PRXL2C: variants seen among roughly 807,000 people sequenced by gnomAD.
PRXL2C encodes peroxiredoxin like 2C.
Under a neutral mutation model 24.9 loss-of-function variants are expected in PRXL2C, and 38 were observed. The observed-to-expected ratio is 1.53, with a 90% confidence interval of 1.18 to 2.00. The LOEUF is 2.00. Ranked by LOEUF, PRXL2C falls within the 30% of genes most tolerant of loss-of-function variation. PRXL2C has a pLI of 0.00. For synonymous variants in PRXL2C, 98 were observed against 117.2 expected, an observed-to-expected ratio of 0.84 and a Z score of 1.06; for missense variants, 294 against 290.9, an observed-to-expected ratio of 1.01 and a Z score of -0.08.
In PRXL2C at chr9:96,645,884, G is replaced by C; in HGVS notation, c.553+9C>G. The C allele has an allele frequency of 6.3e-7, 1 of 1,598,912 alleles. No homozygotes were observed. Among genetic ancestry groups the C allele is most frequent in the Non-Finnish European group, 8.5e-7 (1 of 1,175,606 alleles). On this transcript the variant is annotated intron_variant, in intron 5 of 5. Coordinates refer to ENST00000375234, the MANE Select transcript of PRXL2C (RefSeq NM_153698.2). Reference sequence around the variant, plus strand: ...ACGTCTACTGCTGAACCTGGGCTTTGATGCTTACCTGGACCTAAAATGAGG... The same window carrying C: ...ACGTCTACTGCTGAACCTGGGCTTTCATGCTTACCTGGACCTAAAATGAGG...
At chr9:96,654,862 A>G in intron 1 of PRXL2C, 89 bp from the exon 2 acceptor site, 2 of 1,370,654 alleles carry the variant, frequency 1.5e-6, no homozygotes, top group Non-Finnish European at 2.0e-6. Flanking sequence ...GCGTGACGCG[A>G]GCAAAGGCGA....
intron 5 of PRXL2C, among the ~76,000 whole-genome samples, chr9:96,643,952 G>A (rs1425280108): frequency 2.6e-5 from 4 of 151,760 alleles, no homozygotes; most frequent in Non-Finnish European, 4.4e-5. Flanking sequence ...GGCCAACCTG[G>A]TGAAACCTTG....
chr9:96,641,272 T>G lies in PRXL2C; in HGVS notation c.*487A>C, dbSNP rs1129517. Reference sequence around the variant, plus strand: ...GAGATACCTACTGGCAACATTTTGGTGTTTATTTCCTGTCTTTTTCCAAAG... The same window carrying G: ...GAGATACCTACTGGCAACATTTTGGGGTTTATTTCCTGTCTTTTTCCAAAG... On this transcript the variant is annotated 3_prime_UTR_variant, in exon 6 of 6. Coordinates refer to ENST00000375234, the MANE Select transcript of PRXL2C (RefSeq NM_153698.2). The G allele has an allele frequency of 6.6e-6, 1 of 152,204 alleles. No individual in the cohort carries two copies. Among genetic ancestry groups the G allele is most frequent in the Admixed American group, 6.6e-5 (1 of 15,264 alleles). The allele number at this position is 152,204 out of a possible 1,614,324, so 9.4% of individuals were successfully genotyped here. A position where few individuals can be genotyped will look rare whatever the true frequency, so the allele number is the denominator to read the frequency against.
In PRXL2C at chr9:96,645,904, A is replaced by G. The variant is rs1732634298; in HGVS notation, c.542T>C (p.Ile181Thr). 5 of 1,611,176 alleles carry G rather than the reference A, an allele frequency of 3.1e-6. No individual in the cohort carries two copies. Among genetic ancestry groups the G allele is most frequent in the Non-Finnish European group, 4.2e-6 (5 of 1,179,250 alleles). Residue 181 changes from isoleucine (I) to threonine (T), a missense_variant, in exon 5 of 6, where the codon ATT (isoleucine) becomes ACT (threonine). Physicochemically the swap from Ile to Thr is moderately conservative, Grantham distance 89. Coordinates refer to ENST00000375234, the MANE Select transcript of PRXL2C (RefSeq NM_153698.2). ...GCTTTGATGCTTACCTGGACCTAAAATGAGGGTTCCACCTTGCTGAGCTGG... is the reference window on the plus strand; with the variant it reads ...GCTTTGATGCTTACCTGGACCTAAAGTGAGGGTTCCACCTTGCTGAGCTGG... ...GDPAQQGGTL[I>T]LGPGNNIHFI...
At position 96,641,773 on chromosome 9, in the gene PRXL2C, C is replaced by T; in HGVS notation, c.667G>A (p.Val223Ile). Residue 223 changes from valine (V) to isoleucine (I), a missense_variant, in exon 6 of 6, where the codon GTT becomes ATT. Coordinates refer to ENST00000375234, the MANE Select transcript of PRXL2C (RefSeq NM_153698.2). ...TGCATTTTAAGTCACACATGGATAA[C>T]TGAAGGTCTGTTTGTAAAGTTCACA... is the stretch of plus-strand genomic sequence containing the variant. ...QHVNFTNRPS[V>I]IHV 2 of 1,571,346 alleles carry T rather than the reference C, an allele frequency of 1.3e-6. No individual in the cohort carries two copies. Among genetic ancestry groups the T allele is most frequent in the Non-Finnish European group, 1.7e-6 (2 of 1,149,526 alleles).
At chr9:96,643,901 G>A (rs1380916958) in intron 5 of PRXL2C, among the ~76,000 whole-genome samples, 1 of 152,076 alleles carries the variant, frequency 6.6e-6, no homozygotes, top group Non-Finnish European at 1.5e-5. Flanking sequence ...TTGGGAGGCA[G>A]AGGTGGGCAG....
intron 5 of PRXL2C, among the ~76,000 whole-genome samples, chr9:96,644,474 G>A (rs985670513): frequency 2.0e-5 from 3 of 152,080 alleles, no homozygotes; most frequent in Non-Finnish European, 2.9e-5. Context: ...CTTATAGTCG[G>A]ACCTCAATCC....
intron 4 of PRXL2C, among the ~76,000 whole-genome samples, chr9:96,648,109 C>T (rs1848219718): frequency 6.6e-6 from 1 of 151,992 alleles, no homozygotes; most frequent in Non-Finnish European, 1.5e-5. Flanking sequence ...GGCCATGTTG[C>T]CCAGGCTGGT....
chr9:96,650,638 G>A (rs1848253564), intron 4 of PRXL2C, among the ~76,000 whole-genome samples: 1 of 152,060 alleles, frequency 6.6e-6, no homozygotes. Flanking sequence ...TCAATTAAAG[G>A]AGATGGGATA....
At chr9:96,655,037 G>A in intron 1 of PRXL2C, 53 bp downstream of exon 1, 1 of 1,434,654 alleles carries the variant, frequency 7.0e-7, no homozygotes, top group Non-Finnish European at 9.1e-7. Flanking sequence ...CATCCCGGCA[G>A]CCTGCCCGGG....
In PRXL2C at chr9:96,641,504, T is replaced by G; in HGVS notation, c.*255A>C. On this transcript the variant is annotated 3_prime_UTR_variant, in exon 6 of 6. Transcript: ENST00000375234. ...TTAGAGTATTTATGATTTTATAGCT[T>G]TTAAAGTTATATTTTGTATATTCAT... is the stretch of plus-strand genomic sequence containing the variant. 3.6e-6 allele frequency: 1 copy of G among 278,600 alleles called. No individual in the cohort carries two copies. The highest frequency in any genetic ancestry group is 5.1e-5 in the Admixed American group (1 of 19,690). The allele number at this position is 278,600 out of a possible 1,614,324, so 17.3% of individuals were successfully genotyped here.
At chr9:96,644,982 C>G (rs1376130980) in intron 5 of PRXL2C, among the ~76,000 whole-genome samples, 1 of 139,634 alleles carries the variant, frequency 7.2e-6, no homozygotes, top group Non-Finnish European at 1.5e-5. Flanking sequence ...TCTCGGCGCA[C>G]TGCAAGCTCC....
chr9:96,642,137 T>C (rs1450527314), intron 5 of PRXL2C, among the ~76,000 whole-genome samples: 1 of 152,196 alleles, frequency 6.6e-6, no homozygotes, highest in Non-Finnish European at 1.5e-5. Context: ...TTTTAAATTA[T>C]AACCTTCTGT....
intron 2 of PRXL2C, among the ~76,000 whole-genome samples, chr9:96,652,518 C>T (rs1848281697): frequency 7.1e-6 from 1 of 140,266 alleles, no homozygotes; most frequent in African/African-American, 2.7e-5. Context: ...AAGACTCCGC[C>T]TCAAAAAAAA....
intron 2 of PRXL2C, among the ~76,000 whole-genome samples, chr9:96,652,124 A>T (rs1321723593): frequency 6.6e-6 from 1 of 152,264 alleles, no homozygotes; most frequent in African/African-American, 2.4e-5. Flanking sequence ...GACAACTCAC[A>T]GATTGAGAGA....
Position 96,651,659 on chromosome 9 carries a change from C to G in PRXL2C, c.315G>C (p.Glu105Asp). 1 of 1,607,494 alleles carries G rather than the reference C, an allele frequency of 6.2e-7. No individual in the cohort carries two copies. The highest frequency in any genetic ancestry group is 8.5e-7 in the Non-Finnish European group (1 of 1,175,988). Residue 105 changes from glutamate (E) to aspartate (D), a missense_variant and splice_region_variant, in exon 3 of 6, where the codon GAG becomes GAC. By Grantham distance (45) the Glu-to-Asp change is conservative (BLOSUM62 2). Transcript: ENST00000375234. ...VIGQSSYHHI[E>D]PFCKLTGYSH... Reference sequence around the variant, plus strand: ...GTCTCCCAATGTACTAGATATTTACCTCAATATGATGGTAGGATGACTGTC... The same window carrying G: ...GTCTCCCAATGTACTAGATATTTACGTCAATATGATGGTAGGATGACTGTC...
intron 5 of PRXL2C, among the ~76,000 whole-genome samples, chr9:96,645,130 T>G (rs377612472): frequency 4.0e-5 from 6 of 151,226 alleles, no homozygotes; most frequent in East Asian, 2.0e-4. Context: ...AGGATGGTCT[T>G]GATCTCCTGA....
rs759222355 is a variant in PRXL2C at position 96,645,880 on chromosome 9, C to A, written c.553+13G>T. The A allele has an allele frequency of 1.3e-6, 2 of 1,597,048 alleles. No homozygotes were observed. The highest frequency in any genetic ancestry group is 3.6e-5 in the Admixed American group (2 of 55,780). On this transcript the variant is annotated intron_variant, in intron 5 of 5. Transcript: ENST00000375234. ...CAAGACGTCTACTGCTGAACCTGGG[C>A]TTTGATGCTTACCTGGACCTAAAAT...
chr9:96,648,749 G>A (rs1042732345), intron 4 of PRXL2C, among the ~76,000 whole-genome samples: 2 of 152,068 alleles, frequency 1.3e-5, no homozygotes, highest in African/African-American at 4.8e-5. Context: ...TTACTAAAGT[G>A]AAACTCACAG....
Sources: allele counts gnomAD v4.1 joint callset (sites outside exome capture counted in the v4.1 genomes callset), GRCh38; gene constraint gnomAD v4.1.1; transcripts MANE v1.5; gene names NCBI Gene and HGNC (gene_info 2026-07-23, HGNC 2026-07-21).